Variants in PDZRN3 observed in about 807,000 individuals in gnomAD.
PDZRN3 encodes the protein E3 ubiquitin-protein ligase PDZRN3.
PDZRN3 carries 38 observed loss-of-function variants against 85.7 expected under a neutral mutation model. That is an observed-to-expected ratio of 0.44 (90% CI 0.34 to 0.58). PDZRN3 has a LOEUF of 0.58. Among genes scored for constraint, PDZRN3 ranks in the 20% least tolerant of loss-of-function variants. The pLI, the probability that PDZRN3 is intolerant of heterozygous loss-of-function variation, is 0.01. For synonymous variants in PDZRN3, 759 were observed against 638.0 expected, an observed-to-expected ratio of 1.19 and a Z score of -2.86; for missense variants, 1,629 against 1,506.4, an observed-to-expected ratio of 1.08 and a Z score of -1.35.
At chr3:73,503,213 T>C (rs1704013968) in intron 3 of PDZRN3, among the ~76,000 whole-genome samples, 1 of 152,258 alleles carries the variant, frequency 6.6e-6, no homozygotes, top group South Asian at 2.1e-4. Context: ...GTTTCCTTTA[T>C]AAGCTAAACC....
At chr3:73,585,928 G>A (rs572460066) in intron 3 of PDZRN3, among the ~76,000 whole-genome samples, 44 of 152,300 alleles carry the variant, frequency 2.9e-4, no homozygotes, top group African/African-American at 1.0e-3. Context: ...AACTTACACT[G>A]TCTTGCATGG....
intron 3 of PDZRN3, among the ~76,000 whole-genome samples, chr3:73,508,383 A>T (rs936031465): frequency 6.6e-6 from 1 of 152,236 alleles, no homozygotes; most frequent in Non-Finnish European, 1.5e-5. Context: ...CAGTGAAGAC[A>T]TAAAGGAAAA....
At position 73,550,495 on chromosome 3, in the gene PDZRN3, T is replaced by G. The variant is rs56944871; in HGVS notation, c.918+51859A>C. Among the ~76,000 whole-genome samples, 720 of 152,334 alleles carry G rather than the reference T, an allele frequency of 4.7e-3. 4 individuals carry two copies. The highest frequency in any genetic ancestry group is 0.017 in the African/African-American group (702 of 41,574). On this transcript the variant is annotated intron_variant, in intron 3 of 9. Coordinates refer to ENST00000263666, the MANE Select transcript of PDZRN3 (RefSeq NM_015009.3). ...GGCAGGGCCCAGGAATCAGTCTTTA[T>G]TTAAAAGCCCCCCACCTGATTTGAC...
chr3:73,414,079 G>C (rs17481154), intron 3 of PDZRN3, among the ~76,000 whole-genome samples: 3,469 of 151,528 alleles, frequency 0.023, 59 homozygotes, highest in Middle Eastern at 0.054. Flanking sequence ...GGATGGAATG[G>C]CATAAAAAAA....
intron 3 of PDZRN3, among the ~76,000 whole-genome samples, chr3:73,574,950 C>CACCA (rs1702101787): frequency 6.6e-6 from 1 of 152,146 alleles, no homozygotes; most frequent in Non-Finnish European, 1.5e-5. Flanking sequence ...TCTCTCAGCT[C>CACCA]ACCAAAGGGC....
intron 3 of PDZRN3, among the ~76,000 whole-genome samples, chr3:73,493,373 C>T (rs1322613828): frequency 1.3e-5 from 2 of 152,154 alleles, no homozygotes; most frequent in South Asian, 2.1e-4. Flanking sequence ...CATGACCTCA[C>T]GTACATGGAG....
rs569019454 is a variant in PDZRN3, at chr3:73,398,195, T to C, written c.1254+2727A>G. Among the ~76,000 whole-genome samples, 6 of 152,318 alleles carry C rather than the reference T, an allele frequency of 3.9e-5. No homozygotes were observed. The East Asian group carries it at 9.6e-4, about 24-fold the overall frequency. ...GAGAGAAGCAGTCTTAGGAACACAGTGTCACATGCCTACGAGGGGCTCAGT... is the reference window on the plus strand; with the variant it reads ...GAGAGAAGCAGTCTTAGGAACACAGCGTCACATGCCTACGAGGGGCTCAGT... On this transcript the variant is annotated intron_variant, in intron 5 of 9. Coordinates refer to ENST00000263666, the MANE Select transcript of PDZRN3 (RefSeq NM_015009.3).
intron 3 of PDZRN3, among the ~76,000 whole-genome samples, chr3:73,499,024 TG>T (rs1243483333): frequency 6.6e-6 from 1 of 152,196 alleles, no homozygotes; most frequent in African/African-American, 2.4e-5. Context: ...GCTCTGTTCC[TG>T]CCTGAGAGAC....
At chr3:73,472,435 G>T (rs1414087606) in intron 3 of PDZRN3, among the ~76,000 whole-genome samples, 1 of 152,192 alleles carries the variant, frequency 6.6e-6, no homozygotes, top group Non-Finnish European at 1.5e-5. Context: ...CGGTGTTGCT[G>T]TTCAAAATTG....
At chr3:73,503,940 T>A (rs968406850) in intron 3 of PDZRN3, among the ~76,000 whole-genome samples, 1 of 152,198 alleles carries the variant, frequency 6.6e-6, no homozygotes, top group Non-Finnish European at 1.5e-5. Flanking sequence ...GACTTCTGCA[T>A]CTGAAACGTA....
At chr3:73,562,473 T>G (rs1349607901) in intron 3 of PDZRN3, among the ~76,000 whole-genome samples, 2 of 152,046 alleles carry the variant, frequency 1.3e-5, no homozygotes, top group East Asian at 1.9e-4. Flanking sequence ...AACAAAAAAG[T>G]CTCCATTCCC....
At chr3:73,613,665 C>G (rs1157616112) in intron 1 of PDZRN3, among the ~76,000 whole-genome samples, 1 of 152,070 alleles carries the variant, frequency 6.6e-6, no homozygotes. Context: ...GTAACTCTTC[C>G]CAGAGGGCAA....
intron 3 of PDZRN3, among the ~76,000 whole-genome samples, chr3:73,431,724 A>C (rs1023425349): frequency 6.6e-6 from 1 of 152,224 alleles, no homozygotes; most frequent in South Asian, 2.1e-4. Context: ...CTGACCAAGT[A>C]TATTCCAGAT....
intron 1 of PDZRN3, among the ~76,000 whole-genome samples, chr3:73,614,017 T>A (rs952184999): frequency 2.6e-5 from 4 of 152,210 alleles, no homozygotes; most frequent in African/African-American, 7.2e-5. Context: ...CTAAGCCAAG[T>A]CACAAGCAGA....
In PDZRN3 at chr3:73,624,135, T is replaced by A. The variant is rs1702920552; in HGVS notation, c.691A>T (p.Ser231Cys). ...CCGGGCGGCGCGGCCACGCAGCGGCTGAGCGAGTCGAGGCGCGCGCTGTAT... is the reference window on the plus strand; with the variant it reads ...CCGGGCGGCGCGGCCACGCAGCGGCAGAGCGAGTCGAGGCGCGCGCTGTAT... ...TEYSARLDSLSRCVAAPPGGK... is the reference protein window; with the variant it reads ...TEYSARLDSLCRCVAAPPGGK... The change falls in exon 1 of 10, where the codon AGC (serine) becomes TGC (cysteine). Residue 231 changes from serine to cysteine, a missense_variant. Physicochemically the swap from Ser to Cys is moderately radical, Grantham distance 112 (BLOSUM62 -1). Transcript: ENST00000263666. 1.4e-6 allele frequency: 2 copies of A among 1,481,064 alleles called. No individual in the cohort carries two copies. The highest frequency in any genetic ancestry group is 1.5e-5 in the African/African-American group (1 of 68,332). 91.7% of individuals were successfully genotyped at this position (1,481,064 alleles called of 1,614,324 possible). A position where few individuals can be genotyped will look rare whatever the true frequency, so the allele number is the denominator to read the frequency against.
intron 3 of PDZRN3, among the ~76,000 whole-genome samples, chr3:73,601,669 C>G (rs530107194): frequency 6.6e-5 from 10 of 152,276 alleles, no homozygotes; most frequent in Admixed American, 1.3e-4. Flanking sequence ...TTTAGTGACT[C>G]AGAGCATCCT....
chr3:73,563,988 G>C (rs964710545), intron 3 of PDZRN3, among the ~76,000 whole-genome samples: 1 of 152,096 alleles, frequency 6.6e-6, no homozygotes, highest in East Asian at 1.9e-4. Context: ...CAACCACCTT[G>C]AACACACATG....
At chr3:73,473,396 G>T (rs1024630897) in intron 3 of PDZRN3, among the ~76,000 whole-genome samples, 1 of 151,894 alleles carries the variant, frequency 6.6e-6, no homozygotes, top group Non-Finnish European at 1.5e-5. Context: ...ATTTTGATGG[G>T]TTCTAATTGT....
At chr3:73,405,100 C>T (rs1389530656) in intron 3 of PDZRN3, among the ~76,000 whole-genome samples, 1 of 152,184 alleles carries the variant, frequency 6.6e-6, no homozygotes, top group Non-Finnish European at 1.5e-5. Flanking sequence ...CAACAGTTCT[C>T]TCATCATAGT....
Sources: gnomAD v4.1 joint callset for allele counts (sites outside exome capture counted in the v4.1 genomes callset) on GRCh38, gnomAD v4.1.1 for gene constraint, MANE v1.5 for transcripts, NCBI Gene and HGNC (gene_info 2026-07-23, HGNC 2026-07-21) for gene names.